The following SLC24A3 variants were observed in gnomAD, a reference collection of about 807,000 sequenced individuals.
SLC24A3 encodes the protein sodium/potassium/calcium exchanger 3.
SLC24A3 carries 28 observed loss-of-function variants against 75.8 expected under a neutral mutation model. That is an observed-to-expected ratio of 0.37 (90% confidence interval 0.27 to 0.51). SLC24A3 has a LOEUF of 0.51. Ranked by LOEUF, SLC24A3 falls within the 20% of genes least tolerant of loss-of-function variation. The pLI is 0.94. For synonymous variants in SLC24A3, 372 were observed against 334.1 expected, an observed-to-expected ratio of 1.11 and a Z score of -1.24; for missense variants, 663 against 847.8, an observed-to-expected ratio of 0.78 and a Z score of 2.71.
chr20:19,541,504 C>T (rs1430180428), intron 3 of SLC24A3, among the ~76,000 whole-genome samples: 1 of 152,174 alleles, frequency 6.6e-6, no homozygotes, highest in Non-Finnish European at 1.5e-5. Context: ...AGAACAGGTG[C>T]TGAAGGAAGG....
intron 2 of SLC24A3, among the ~76,000 whole-genome samples, chr20:19,486,195 T>A (rs1427700558): frequency 4.6e-5 from 7 of 152,184 alleles, no homozygotes; most frequent in Non-Finnish European, 1.0e-4. Flanking sequence ...TCCATGGTAC[T>A]AAGTAGGGAA....
intron 16 of SLC24A3, among the ~76,000 whole-genome samples, chr20:19,720,527 T>C (rs780618625): frequency 3.3e-5 from 4 of 122,446 alleles, no homozygotes; most frequent in Non-Finnish European, 6.8e-5. Context: ...GAAGCAGCCA[T>C]GATTTGCTGT....
At chr20:19,720,330 A>G (rs2328445) in intron 16 of SLC24A3, among the ~76,000 whole-genome samples, 113,230 of 152,112 alleles carry the variant, frequency 0.74, 42,452 homozygotes, top group East Asian at 0.96. Context: ...CTCTGGAGGC[A>G]TTGAAATCAC....
intron 1 of SLC24A3, among the ~76,000 whole-genome samples, chr20:19,221,737 C>A (rs1266908087): frequency 9.2e-5 from 14 of 152,130 alleles, no homozygotes. Context: ...TGTATCCACC[C>A]CCCGCCTCAC....
rs6106102 is a variant in SLC24A3 at position 19,555,287 on chromosome 20, C to A, written c.349-24713C>A. On this transcript the variant is annotated intron_variant, in intron 3 of 16. Coordinates refer to ENST00000328041, the MANE Select transcript of SLC24A3 (RefSeq NM_020689.4). ...AATGTCCCAGGATCCTGAAGAGGCT[C>A]AGTGGTGGCAGCAAAAGCAGATTAT... Among the ~76,000 whole-genome samples the A allele has an allele frequency of 4.7e-4, 71 of 152,268 alleles. No homozygotes were observed. The Middle Eastern group carries it at 0.01, about 22-fold the overall frequency.
intron 13 of SLC24A3, chr20:19,695,420 C>G (rs1011648116): frequency 6.6e-6 from 1 of 152,192 alleles, no homozygotes; most frequent in African/African-American, 2.4e-5. Flanking sequence ...GGGAATGTGT[C>G]TCTTTTTCCA....
At chr20:19,301,022 C>T (rs576588733) in intron 2 of SLC24A3, among the ~76,000 whole-genome samples, 3 of 152,260 alleles carry the variant, frequency 2.0e-5, no homozygotes, top group African/African-American at 7.2e-5. Flanking sequence ...TTGTGACCTC[C>T]ACACCGAGCC....
intron 5 of SLC24A3, 122 bp downstream of exon 5, chr20:19,585,177 C>G: frequency 1.1e-6 from 1 of 878,938 alleles, no homozygotes; most frequent in Non-Finnish European, 1.8e-6. Flanking sequence ...CCAGGGACCC[C>G]AATGAGTAGA....
chr20:19,243,196 G>C (rs1982383156), intron 1 of SLC24A3, among the ~76,000 whole-genome samples: 1 of 152,182 alleles, frequency 6.6e-6, no homozygotes, highest in South Asian at 2.1e-4. Context: ...TGAGTAGAAA[G>C]TATGATTTAT....
chr20:19,375,384 C>T (rs1986067574), intron 2 of SLC24A3, among the ~76,000 whole-genome samples: 1 of 152,280 alleles, frequency 6.6e-6, no homozygotes, highest in East Asian at 1.9e-4. Context: ...CACTGGCCCT[C>T]CCTTATACAC....
intron 2 of SLC24A3, among the ~76,000 whole-genome samples, chr20:19,319,894 G>C (rs544858576): frequency 6.6e-6 from 1 of 152,312 alleles, no homozygotes; most frequent in East Asian, 1.9e-4. Context: ...CATACCTAAG[G>C]AATCAGTGCA....
At chr20:19,667,803 G>T (rs1474637631) in intron 8 of SLC24A3, among the ~76,000 whole-genome samples, 2 of 152,208 alleles carry the variant, frequency 1.3e-5, no homozygotes, top group Non-Finnish European at 2.9e-5. Flanking sequence ...AAGAAAAGGA[G>T]TGTCTATTTC....
At chr20:19,387,738 C>T (rs1009542764) in intron 2 of SLC24A3, among the ~76,000 whole-genome samples, 2 of 152,128 alleles carry the variant, frequency 1.3e-5, no homozygotes, top group Admixed American at 1.3e-4. Context: ...TGTGGCCTAA[C>T]ATGATCTATC....
chr20:19,411,117 G>A (rs75629426), intron 2 of SLC24A3, among the ~76,000 whole-genome samples: 2,948 of 152,278 alleles, frequency 0.019, 103 homozygotes, highest in African/African-American at 0.066. Flanking sequence ...TGGGCTGGCT[G>A]CTGTGGAGGA....
At chr20:19,633,666 A>T (rs1039927744) in intron 6 of SLC24A3, among the ~76,000 whole-genome samples, 5 of 151,446 alleles carry the variant, frequency 3.3e-5, no homozygotes, top group African/African-American at 1.2e-4. Flanking sequence ...AAAAAAAAAA[A>T]AAAAGAATGC....
chr20:19,282,138 T>C (rs1983683439), intron 2 of SLC24A3, among the ~76,000 whole-genome samples: 1 of 152,042 alleles, frequency 6.6e-6, no homozygotes, highest in Non-Finnish European at 1.5e-5. Flanking sequence ...GGCTGTTGAG[T>C]ACAGAAGACA....
chr20:19,425,302 CAA>C (rs11474288), intron 2 of SLC24A3, among the ~76,000 whole-genome samples: 1 of 147,348 alleles, frequency 6.8e-6, no homozygotes, highest in Non-Finnish European at 1.5e-5. Flanking sequence ...GACTCCGTCT[CAA>C]AAAAAAAAAA....
chr20:19,329,128 G>C (rs1041925940), intron 2 of SLC24A3, among the ~76,000 whole-genome samples: 19 of 152,182 alleles, frequency 1.2e-4, no homozygotes, highest in Admixed American at 8.5e-4. Context: ...AAAGAGGATG[G>C]AAGGGGAAGG....
chr20:19,384,351 C>T (rs1345245884), intron 2 of SLC24A3, among the ~76,000 whole-genome samples: 1 of 152,156 alleles, frequency 6.6e-6, no homozygotes, highest in African/African-American at 2.4e-5. Flanking sequence ...CCTCCTAGCT[C>T]CTGGTAACCA....
Sources: gnomAD v4.1 joint callset for allele counts (sites outside exome capture counted in the v4.1 genomes callset) on GRCh38, gnomAD v4.1.1 for gene constraint, MANE v1.5 for transcripts, NCBI Gene and HGNC (gene_info 2026-07-23, HGNC 2026-07-21) for gene names.